CLYBL: variants seen among roughly 807,000 people sequenced by gnomAD.
CLYBL encodes the protein citramalyl-CoA lyase.
CLYBL carries 31 observed loss-of-function variants against 38.9 expected under a neutral mutation model. The ratio of observed to expected loss-of-function variants is 0.80; its 90% CI spans 0.60 to 1.08. The LOEUF (loss-of-function observed/expected upper bound fraction) is 1.08. Ranked by LOEUF, CLYBL falls within the 50% of genes least tolerant of loss-of-function variation. The probability of loss-of-function intolerance (pLI) is 0.00; values close to 1 mark genes in which losing one functional copy is unlikely to be tolerated. For missense variants in CLYBL, 434 were observed against 411.6 expected, an observed-to-expected ratio of 1.05 and a Z score of -0.47; for synonymous variants, 171 against 158.6, an observed-to-expected ratio of 1.08 and a Z score of -0.59.
intron 1 of CLYBL, among the ~76,000 whole-genome samples, chr13:99,760,991 C>G (rs1245491417): frequency 6.6e-6 from 1 of 152,024 alleles, no homozygotes; most frequent in African/African-American, 2.4e-5. Flanking sequence ...ATATTTATAC[C>G]CATAATCAAC....
chr13:99,740,745 T>G (rs2048740981), intron 1 of CLYBL, among the ~76,000 whole-genome samples: 1 of 152,204 alleles, frequency 6.6e-6, no homozygotes, highest in African/African-American at 2.4e-5. Context: ...CAGATTGTAA[T>G]CACAGTAATT....
chr13:99,873,386 T>C (rs540876536), intron 7 of CLYBL, among the ~76,000 whole-genome samples: 2 of 152,334 alleles, frequency 1.3e-5, no homozygotes, highest in South Asian at 2.1e-4. Context: ...GTCTGTTTTA[T>C]GTCAAATGTG....
rs112112799 is a variant in CLYBL at position 99,866,573 on chromosome 13, C to G, written c.802+166C>G. 4.1e-3 allele frequency among the ~76,000 whole-genome samples: 622 copies of G among 152,036 alleles called. 5 individuals carry two copies. The highest frequency in any genetic ancestry group is 0.014 in the African/African-American group (586 of 41,498). On this transcript the variant is annotated intron_variant, in intron 6 of 8. Transcript: ENST00000339105. ...GGGAAGAACTTGCCAGACACATTGTCATGGTTTTCCTTGGCCCTGCAAGTC... is the reference window on the plus strand; with the variant it reads ...GGGAAGAACTTGCCAGACACATTGTGATGGTTTTCCTTGGCCCTGCAAGTC...
rs540387196 is a variant in CLYBL, at chr13:99,827,979, T to G, written c.250-30882T>G. Among the ~76,000 whole-genome samples, 5 of 152,318 alleles carry G rather than the reference T, an allele frequency of 3.3e-5. No homozygotes were observed. The South Asian group carries it at 6.2e-4, about 19-fold the overall frequency. On this transcript the variant is annotated intron_variant, in intron 2 of 8. Transcript: ENST00000339105. ...TTGCATAGTCTCCCCTTCCCTTTGA[T>G]TCAGAGATTTTCGTTTCATTTGTGC...
rs2051652962 is a variant in CLYBL at position 99,863,221 on chromosome 13, G to A, written c.540+129G>A. ...GATTTATAAGCAAAGGAAATGTTGA[G>A]CACCATTTGTTATCTGTAATAGTCC... On this transcript the variant is annotated intron_variant, in intron 4 of 8. Coordinates refer to ENST00000339105, the MANE Select transcript of CLYBL (RefSeq NM_206808.5). 1.8e-5 allele frequency: 9 copies of A among 511,164 alleles called. No individual in the cohort carries two copies. The South Asian group carries it at 2.0e-4, about 11-fold the overall frequency. The allele number at this position is 511,164 out of a possible 1,614,324, so 31.7% of individuals were successfully genotyped here.
downstream of CLYBL, among the ~76,000 whole-genome samples, chr13:99,900,392 C>T (rs1412372994): frequency 2.0e-5 from 3 of 152,002 alleles, no homozygotes; most frequent in East Asian, 5.8e-4. Context: ...CTCCTAGCTC[C>T]ACTGCTGGCC....
chr13:99,752,622 C>A (rs1190864757), intron 1 of CLYBL, among the ~76,000 whole-genome samples: 2 of 145,128 alleles, frequency 1.4e-5, no homozygotes, highest in Non-Finnish European at 3.2e-5. Context: ...CTGCTGCTGT[C>A]CTCCTGCTGC....
At chr13:99,610,716 A>G (rs1187806152) in intron 1 of CLYBL, among the ~76,000 whole-genome samples, 1 of 152,130 alleles carries the variant, frequency 6.6e-6, no homozygotes, top group African/African-American at 2.4e-5. Flanking sequence ...GTCTTTCCTT[A>G]GCCGGTATAC....
At chr13:99,880,418 A>G (rs1050591588) in intron 7 of CLYBL, among the ~76,000 whole-genome samples, 3 of 152,168 alleles carry the variant, frequency 2.0e-5, no homozygotes, top group Admixed American at 2.0e-4. Context: ...GGGCGATATT[A>G]TCCCCATTTT....
At chr13:99,608,882 A>ATTTTTTTTTT (rs2046578485) in intron 1 of CLYBL, among the ~76,000 whole-genome samples, 2 of 47,292 alleles carry the variant, frequency 4.2e-5, no homozygotes, top group African/African-American at 9.6e-5. Context: ...TTTTTGCTTG[A>ATTTTTTTTTT]TTTTCTCTTT....
At chr13:99,885,752 T>C (rs986291732) in intron 7 of CLYBL, among the ~76,000 whole-genome samples, 1 of 152,102 alleles carries the variant, frequency 6.6e-6, no homozygotes, top group African/African-American at 2.4e-5. Flanking sequence ...CTAAGGACTC[T>C]CCAAGTGGGA....
At chr13:99,870,427 TTGTAATGA>T (rs780521267) in intron 6 of CLYBL, among the ~76,000 whole-genome samples, 4,456 of 152,298 alleles carry the variant, frequency 0.029, no homozygotes, top group Non-Finnish European at 0.045. Context: ...AGTAATATAG[TTGTAATGA>T]CTGCCTCTGT....
intron 1 of CLYBL, among the ~76,000 whole-genome samples, chr13:99,755,542 C>T (rs2049046913): frequency 6.6e-6 from 1 of 152,180 alleles, no homozygotes; most frequent in African/African-American, 2.4e-5. Flanking sequence ...GGCGCCCTCA[C>T]TCCTGGACTC....
At chr13:99,781,642 AT>A (rs1328225308) in intron 2 of CLYBL, among the ~76,000 whole-genome samples, 2 of 151,486 alleles carry the variant, frequency 1.3e-5, no homozygotes, top group Admixed American at 1.3e-4. Context: ...CGTCTGGCTA[AT>A]TTTTTGTCTT....
At chr13:99,796,524 A>G (rs1027743853) in intron 2 of CLYBL, among the ~76,000 whole-genome samples, 3 of 152,304 alleles carry the variant, frequency 2.0e-5, no homozygotes, top group African/African-American at 4.8e-5. Context: ...TAGCAATTCT[A>G]TGAAAGAGGT....
rs2051822812 is a variant in CLYBL at position 99,869,095 on chromosome 13, T to C, written c.803-1843T>C. Among the ~76,000 whole-genome samples, 1 of 152,190 alleles carries C rather than the reference T, an allele frequency of 6.6e-6. No homozygotes were observed. Among genetic ancestry groups the C allele is most frequent in the South Asian group, 2.1e-4 (1 of 4,826 alleles). On this transcript the variant is annotated intron_variant, in intron 6 of 8. Transcript: ENST00000339105. The surrounding 1 kb of genome is among the most constrained non-coding windows in gnomAD (Gnocchi z 4.3). ...CCATTAAAGTCTGCTATACAGTTGT[T>C]GGAATATATAAGATGTGACAAAAGA...
At chr13:99,691,586 T>TAA in intron 1 of CLYBL, among the ~76,000 whole-genome samples, 2 of 145,576 alleles carry the variant, frequency 1.4e-5, no homozygotes, top group South Asian at 2.2e-4. Flanking sequence ...CATTTTGACC[T>TAA]AAAAAAAAAA....
chr13:99,894,736 C>CCGGGG (rs1221894997), downstream of CLYBL: 3 of 24,292 alleles, frequency 1.2e-4, no homozygotes, highest in African/African-American at 4.3e-4. Flanking sequence ...TTGCCTGAGG[C>CCGGGG]GGGGGGGGGG....
At chr13:99,782,283 G>A (rs545249529) in intron 2 of CLYBL, among the ~76,000 whole-genome samples, 14 of 152,290 alleles carry the variant, frequency 9.2e-5, no homozygotes, top group Middle Eastern at 3.4e-3. Context: ...AAAGCAGGCA[G>A]ATCACCTGAG....
Sources: gnomAD v4.1 joint callset for allele counts (sites outside exome capture counted in the v4.1 genomes callset) on GRCh38, gnomAD v4.1.1 for gene constraint, Gnocchi (gnomAD v3.1) non-coding constraint, MANE v1.5 for transcripts, NCBI Gene and HGNC (gene_info 2026-07-23, HGNC 2026-07-21) for gene names.